The following ST7 variants were observed in gnomAD, a reference collection of about 807,000 sequenced individuals.
The protein encoded by ST7 is suppressor of tumorigenicity 7 protein.
ST7 carries 28 observed loss-of-function variants against 78.7 expected under a neutral mutation model. That is an observed-to-expected ratio of 0.36 (90% CI 0.26 to 0.49). The LOEUF is 0.49. Ranked by LOEUF, ST7 falls within the 20% of genes least tolerant of loss-of-function variation. The pLI, the probability that ST7 is intolerant of heterozygous loss-of-function variation, is 0.99. For synonymous variants in ST7, 247 were observed against 249.6 expected (o/e 0.99, Z 0.10); for missense variants, 418 against 696.0 (o/e 0.60, Z 4.49).
intron 9 of ST7, among the ~76,000 whole-genome samples, chr7:117,168,978 A>C (rs1807773320): frequency 6.6e-6 from 1 of 152,214 alleles, no homozygotes; most frequent in East Asian, 1.9e-4. Flanking sequence ...AATAGATAGC[A>C]GTTATCCAGG....
chr7:117,185,869 G>C (rs1315850008), intron 10 of ST7, among the ~76,000 whole-genome samples: 3 of 152,220 alleles, frequency 2.0e-5, no homozygotes, highest in Non-Finnish European at 4.4e-5. Flanking sequence ...GTTGCAGTTA[G>C]CTGAGATCGT....
intron 1 of ST7, among the ~76,000 whole-genome samples, chr7:117,010,933 A>T (rs1795359708): frequency 6.6e-6 from 1 of 152,062 alleles, no homozygotes; most frequent in Non-Finnish European, 1.5e-5. Context: ...AAGAGAGGAG[A>T]GCTATGTCTC....
intron 1 of ST7, among the ~76,000 whole-genome samples, chr7:116,958,244 C>T (rs1454479974): frequency 1.4e-5 from 2 of 145,514 alleles, no homozygotes; most frequent in Non-Finnish European, 3.0e-5. Context: ...CCTACTGCCT[C>T]CACCTCCCAA....
chr7:117,135,991 G>C (rs572934688), intron 7 of ST7, 90 bp from the exon 8 acceptor site: 5 of 1,450,020 alleles, frequency 3.4e-6, no homozygotes, highest in African/African-American at 2.8e-5. Context: ...ATGTTTTGGC[G>C]TAACTCCTTG....
chr7:117,150,935 C>A (rs1424374974), intron 9 of ST7, among the ~76,000 whole-genome samples: 3 of 152,150 alleles, frequency 2.0e-5, no homozygotes, highest in Admixed American at 2.0e-4. Flanking sequence ...AGGAGTTATC[C>A]TTGATTCCTC....
At chr7:117,140,416 A>G (rs975675118) in intron 9 of ST7, among the ~76,000 whole-genome samples, 1 of 152,128 alleles carries the variant, frequency 6.6e-6, no homozygotes, top group African/African-American at 2.4e-5. Flanking sequence ...GGGGATAATG[A>G]TTCTTACCTG....
chr7:117,202,458 CT>C (rs1394337182), intron 12 of ST7, among the ~76,000 whole-genome samples: 1 of 152,150 alleles, frequency 6.6e-6, no homozygotes, highest in Admixed American at 6.5e-5. Context: ...AAGCCTCTTC[CT>C]CCTTTGGTGT....
intron 2 of ST7, 136 bp downstream of exon 2, chr7:117,099,980 G>A (rs529139087): frequency 1.5e-5 from 8 of 543,726 alleles, no homozygotes; most frequent in Non-Finnish European, 2.1e-5. Context: ...TATATGTTGG[G>A]GAGTGGACTC....
At chr7:117,049,887 G>A (rs1029015927) in intron 1 of ST7, among the ~76,000 whole-genome samples, 1 of 152,004 alleles carries the variant, frequency 6.6e-6, no homozygotes, top group African/African-American at 2.4e-5. Context: ...AAGATTTACA[G>A]TATTGTACTA....
chr7:117,037,093 G>A (rs1287534700), intron 1 of ST7, among the ~76,000 whole-genome samples: 2 of 152,156 alleles, frequency 1.3e-5, no homozygotes, highest in Non-Finnish European at 2.9e-5. Context: ...CATGGAAGTC[G>A]CATGGACAAC....
In ST7 at chr7:116,976,766, A is replaced by G. The variant is rs189719047; in HGVS notation, c.151+23075A>G. On this transcript the variant is annotated intron_variant, in intron 1 of 15. Transcript: ENST00000323984. ...TGTGAAGAATTATGAATAATGATTC[A>G]GTTTACCACATGGTTGTACCATTAT... 2.0e-3 allele frequency among the ~76,000 whole-genome samples: 312 copies of G among 152,340 alleles called. 2 individuals carry two copies. Among genetic ancestry groups the G allele is most frequent in the Non-Finnish European group, 1.8e-3 (122 of 68,036 alleles).
chr7:117,168,966 A>G lies in ST7; in HGVS notation c.964-1896A>G, dbSNP rs114243728. On this transcript the variant is annotated intron_variant, in intron 9 of 15. Coordinates refer to ENST00000323984, the MANE Select transcript of ST7 (RefSeq NM_001369598.1). ...TCACTTTTTTAGAGGTTGTTATGTTATAATAGATAGCAGTTATCCAGGTAG... is the reference window on the plus strand; with the variant it reads ...TCACTTTTTTAGAGGTTGTTATGTTGTAATAGATAGCAGTTATCCAGGTAG... 7.3e-3 allele frequency among the ~76,000 whole-genome samples: 1,109 copies of G among 152,304 alleles called. 17 individuals carry two copies. Among genetic ancestry groups the G allele is most frequent in the African/African-American group, 0.025 (1,055 of 41,566 alleles).
intron 1 of ST7, chr7:116,959,139 T>A (rs1030683050): frequency 3.5e-5 from 16 of 461,654 alleles, no homozygotes; most frequent in African/African-American, 3.0e-4. Context: ...CTAAATCCTT[T>A]GTTGTCATTT....
intron 12 of ST7, among the ~76,000 whole-genome samples, chr7:117,206,385 T>G (rs946551778): frequency 6.6e-6 from 1 of 152,116 alleles, no homozygotes; most frequent in Non-Finnish European, 1.5e-5. Flanking sequence ...GAGGGGAAAT[T>G]AAGGTGCAGA....
At chr7:117,161,591 C>CTTTTTTTTTTTTTT (rs60505994) in intron 9 of ST7, among the ~76,000 whole-genome samples, 2 of 113,594 alleles carry the variant, frequency 1.8e-5, no homozygotes, top group Non-Finnish European at 3.4e-5. Context: ...TTCTTTCTTT[C>CTTTTTTTTTTTTTT]TTTTTTTTTT....
At chr7:117,026,557 A>C (rs1796191336) in intron 1 of ST7, among the ~76,000 whole-genome samples, 1 of 152,262 alleles carries the variant, frequency 6.6e-6, no homozygotes, top group Non-Finnish European at 1.5e-5. Context: ...AAAAATGAAT[A>C]TGCAATTTAA....
chr7:117,042,351 A>G (rs1326947426), intron 1 of ST7, among the ~76,000 whole-genome samples: 1 of 152,182 alleles, frequency 6.6e-6, no homozygotes, highest in Non-Finnish European at 1.5e-5. Context: ...ACACAAATAT[A>G]TTTGCAGCAG....
Position 116,986,188 on chromosome 7 carries a change from G to A in ST7, c.151+32497G>A, listed in dbSNP as rs78156974. Among the ~76,000 whole-genome samples the A allele has an allele frequency of 5.1e-3, 777 of 152,322 alleles. 6 individuals are homozygous for A. The highest frequency in any genetic ancestry group is 0.018 in the African/African-American group (737 of 41,570). ...ACTAAGAGCATTCTGGGTTGTGTGA[G>A]TAGAGTCTATTTTAGTTGAAAGTGG... On this transcript the variant is annotated intron_variant, in intron 1 of 15. Coordinates refer to ENST00000323984, the MANE Select transcript of ST7 (RefSeq NM_001369598.1).
chr7:116,997,619 A>G (rs964977140), intron 1 of ST7, among the ~76,000 whole-genome samples: 1 of 152,008 alleles, frequency 6.6e-6, no homozygotes, highest in East Asian at 1.9e-4. Context: ...AGATTCTCCA[A>G]GTCTCCACTA....
Sources: allele counts gnomAD v4.1 joint callset (sites outside exome capture counted in the v4.1 genomes callset), GRCh38; gene constraint gnomAD v4.1.1; transcripts MANE v1.5; gene names NCBI Gene and HGNC (gene_info 2026-07-23, HGNC 2026-07-21).